DPYD: variants seen among roughly 807,000 people sequenced by gnomAD.
DPYD encodes dihydropyrimidine dehydrogenase [NADP(+)].
A neutral mutation model predicts 116.2 loss-of-function variants in DPYD; 109 were observed. The observed-to-expected ratio is 0.94, with a 90% CI of 0.80 to 1.10. The LOEUF (loss-of-function observed/expected upper bound fraction) is 1.10, where lower values mean the gene tolerates loss of function less well. Among genes scored for constraint, DPYD ranks in the 50% least tolerant of loss-of-function variants. The pLI, the probability that DPYD is intolerant of heterozygous loss-of-function variation, is 0.00. For missense variants in DPYD, 1,302 were observed against 1,254.5 expected, an observed-to-expected ratio of 1.04 and a Z score of -0.57; for synonymous variants, 440 against 432.0, an observed-to-expected ratio of 1.02 and a Z score of -0.23.
intron 20 of DPYD, among the ~76,000 whole-genome samples, chr1:97,168,853 TTTTTTTTTTTTGAGACAGAGTCTCACTC>T (rs1656511189): frequency 6.6e-6 from 1 of 151,612 alleles, no homozygotes; most frequent in African/African-American, 2.4e-5. Context: ...TAGTAATTTT[TTTTTTTTTTTTGAGACAGAGTCTCACTC>T]TGTCACCCAG....
intron 3 of DPYD, among the ~76,000 whole-genome samples, chr1:97,804,485 C>G (rs1193009429): frequency 2.0e-5 from 3 of 151,664 alleles, no homozygotes; most frequent in African/African-American, 7.3e-5. Context: ...TAAATGAAAA[C>G]ATTTATTTCA....
intron 1 of DPYD, among the ~76,000 whole-genome samples, chr1:97,911,195 A>G (rs1474695797): frequency 6.6e-6 from 1 of 152,078 alleles, no homozygotes; most frequent in Non-Finnish European, 1.5e-5. Context: ...TCAAATCCTT[A>G]AAGTAGTCAT....
Position 97,383,406 on chromosome 1 carries a change from G to C in DPYD, c.1906-945C>G, listed in dbSNP as rs955534564. ...ACAGGAGAATTGCTTGAACCAGGAG[G>C]TGGAAGTTGCAGTGAGCCAAGATTG... is the stretch of plus-strand genomic sequence containing the variant. On this transcript the variant is annotated intron_variant, in intron 14 of 22. Transcript: ENST00000370192. Among the ~76,000 whole-genome samples, 24 of 151,100 alleles carry C rather than the reference G, an allele frequency of 1.6e-4. 1 individual carries two copies. The highest frequency in any genetic ancestry group is 5.9e-4 in the African/African-American group (24 of 40,986).
chr1:97,467,526 A>C (rs1677400400), intron 13 of DPYD, among the ~76,000 whole-genome samples: 1 of 152,124 alleles, frequency 6.6e-6, no homozygotes, highest in African/African-American at 2.4e-5. Context: ...AAAAATCCTC[A>C]TCTGTAAGCC....
intron 3 of DPYD, among the ~76,000 whole-genome samples, chr1:97,742,463 T>C (rs992556579): frequency 2.0e-5 from 3 of 152,170 alleles, no homozygotes; most frequent in African/African-American, 2.4e-5. Flanking sequence ...CTCTGAAATG[T>C]AGTCATTAAA....
chr1:97,692,058 G>A (rs988790980), intron 6 of DPYD, among the ~76,000 whole-genome samples: 3 of 151,616 alleles, frequency 2.0e-5, no homozygotes, highest in East Asian at 1.9e-4. Context: ...ATATAAAACT[G>A]GCCAAAAGCA....
At chr1:97,449,921 T>C (rs985463263) in intron 14 of DPYD, 138 bp downstream of exon 14, 2 of 1,092,338 alleles carry the variant, frequency 1.8e-6, no homozygotes, top group Non-Finnish European at 2.7e-6. Context: ...TTTATCTTTC[T>C]ATGCATCAGC....
chr1:97,250,611 C>T (rs1760212), intron 18 of DPYD, among the ~76,000 whole-genome samples: 59,822 of 151,854 alleles, frequency 0.39, 11,946 homozygotes, highest in Middle Eastern at 0.46. Context: ...TTATATTGAA[C>T]GTAAATGAGG....
chr1:97,398,272 G>T (rs1673129376), intron 14 of DPYD, among the ~76,000 whole-genome samples: 1 of 152,034 alleles, frequency 6.6e-6, no homozygotes, highest in African/African-American at 2.4e-5. Flanking sequence ...AAAATGACAG[G>T]AACTCATTAT....
At chr1:97,367,331 CA>C (rs893673918) in intron 16 of DPYD, among the ~76,000 whole-genome samples, 79 of 150,232 alleles carry the variant, frequency 5.3e-4, no homozygotes, top group African/African-American at 1.9e-3. Flanking sequence ...GAACATAGAA[CA>C]GATCGTGAAA....
intron 8 of DPYD, among the ~76,000 whole-genome samples, chr1:97,604,177 A>G (rs943347926): frequency 6.6e-6 from 1 of 152,170 alleles, no homozygotes; most frequent in Non-Finnish European, 1.5e-5. Flanking sequence ...AGAGCTGCTC[A>G]GTTCAGAAGG....
intron 2 of DPYD, chr1:97,856,308 T>C (rs997329388): frequency 6.6e-6 from 1 of 152,182 alleles, no homozygotes; most frequent in Admixed American, 6.5e-5. Flanking sequence ...AGACTGTGTT[T>C]ACCCCATAAA....
intron 7 of DPYD, among the ~76,000 whole-genome samples, chr1:97,683,355 C>A (rs1301043948): frequency 6.6e-6 from 1 of 151,320 alleles, no homozygotes; most frequent in Non-Finnish European, 1.5e-5. Flanking sequence ...TTCAAATAAC[C>A]ATAGTGAAAA....
Position 97,104,208 on chromosome 1 carries a change from T to G in DPYD, c.2623-5576A>C, listed in dbSNP as rs143614311. ...GTGCTGAATATAATTTTTCAAAGCT[T>G]AATGAATGAATGAATAAATGAATGA... is the stretch of plus-strand genomic sequence containing the variant. On this transcript the variant is annotated intron_variant, in intron 20 of 22. Coordinates refer to ENST00000370192, the MANE Select transcript of DPYD (RefSeq NM_000110.4). 2.6e-3 allele frequency among the ~76,000 whole-genome samples: 395 copies of G among 152,230 alleles called. 2 individuals carry two copies. The highest frequency in any genetic ancestry group is 0.021 in the Middle Eastern group (6 of 292).
intron 8 of DPYD, among the ~76,000 whole-genome samples, chr1:97,627,839 A>G (rs72732387): frequency 0.12 from 18,630 of 151,416 alleles, 1,260 homozygotes; most frequent in Middle Eastern, 0.17. Flanking sequence ...ATTATATAAA[A>G]CACATATACA....
At chr1:97,243,610 A>C (rs1016634374) in intron 18 of DPYD, among the ~76,000 whole-genome samples, 2 of 151,882 alleles carry the variant, frequency 1.3e-5, no homozygotes, top group Non-Finnish European at 2.9e-5. Context: ...AAGAAGAGTT[A>C]ATAATAATAA....
intron 20 of DPYD, among the ~76,000 whole-genome samples, chr1:97,168,310 C>T (rs1257197682): frequency 6.6e-6 from 1 of 152,154 alleles, no homozygotes; most frequent in African/African-American, 2.4e-5. Flanking sequence ...GCTCTTCACT[C>T]TATTGAGGGA....
At chr1:97,318,053 C>A in intron 16 of DPYD, among the ~76,000 whole-genome samples, 1 of 147,862 alleles carries the variant, frequency 6.8e-6, no homozygotes, top group African/African-American at 2.5e-5. Context: ...CACCACCAGG[C>A]CTGCCCTAAA....
chr1:97,163,146 T>C (rs902389544), intron 20 of DPYD, among the ~76,000 whole-genome samples: 3 of 151,794 alleles, frequency 2.0e-5, no homozygotes, highest in Non-Finnish European at 4.4e-5. Flanking sequence ...CTAATTAAAC[T>C]AAAGAGCTTC....
Sources: allele counts gnomAD v4.1 joint callset (sites outside exome capture counted in the v4.1 genomes callset), GRCh38; gene constraint gnomAD v4.1.1; transcripts MANE v1.5; gene names NCBI Gene and HGNC (gene_info 2026-07-23, HGNC 2026-07-21).